The following ADAM2 variants were observed in gnomAD, a reference collection of about 807,000 sequenced individuals.
ADAM2 encodes the protein disintegrin and metalloproteinase domain-containing protein 2.
A neutral mutation model predicts 99.3 loss-of-function variants in ADAM2; 101 were observed. That is an observed-to-expected ratio of 1.02 (90% CI 0.87 to 1.20). The LOEUF (loss-of-function observed/expected upper bound fraction) is 1.20, where lower values mean the gene tolerates loss of function less well. Among genes scored for constraint, ADAM2 ranks in the 50% most tolerant of loss-of-function variants. ADAM2 has a pLI of 0.00. For missense variants in ADAM2, 948 were observed against 878.7 expected, an observed-to-expected ratio of 1.08 and a Z score of -1.00; for synonymous variants, 323 against 287.6, an observed-to-expected ratio of 1.12 and a Z score of -1.25.
intron 3 of ADAM2, among the ~76,000 whole-genome samples, chr8:39,828,803 A>G (rs1805511861): frequency 6.6e-6 from 1 of 151,918 alleles, no homozygotes; most frequent in Admixed American, 6.6e-5. Flanking sequence ...GTGAAGAAAT[A>G]TCATTTTTAA....
intron 6 of ADAM2, among the ~76,000 whole-genome samples, chr8:39,816,898 A>T (rs1804965318): frequency 6.6e-6 from 1 of 152,216 alleles, no homozygotes; most frequent in Non-Finnish European, 1.5e-5. Context: ...GCAGTAATAG[A>T]TGTTATTTAT....
At chr8:39,787,749 GA>G (rs1454683353) in intron 9 of ADAM2, among the ~76,000 whole-genome samples, 1 of 151,518 alleles carries the variant, frequency 6.6e-6, no homozygotes, top group African/African-American at 2.4e-5. Context: ...ATCATAACAA[GA>G]AGGCTGAATT....
intron 4 of ADAM2, among the ~76,000 whole-genome samples, chr8:39,821,878 T>G (rs1805203304): frequency 6.6e-6 from 1 of 152,128 alleles, no homozygotes; most frequent in Admixed American, 6.5e-5. Flanking sequence ...TTTCTATAGG[T>G]TTTAAATTAA....
chr8:39,764,677 G>A (rs1042805122), intron 14 of ADAM2, among the ~76,000 whole-genome samples: 2 of 152,062 alleles, frequency 1.3e-5, no homozygotes, highest in Non-Finnish European at 2.9e-5. Context: ...ATGCACATCC[G>A]GAAGTGAACT....
rs1184827342 is a variant in ADAM2 at position 39,820,995 on chromosome 8, C to T, written c.513+7G>A. The stretch of plus-strand genomic sequence containing the variant: ...TAACCATAGAGTTTGTTCAATTAAT[C>T]ACCTACCTCTACGCTTTGTAATTTA... On this transcript the variant is annotated splice_region_variant and intron_variant, in intron 6 of 20. Coordinates refer to ENST00000265708, the MANE Select transcript of ADAM2 (RefSeq NM_001464.5). 6.4e-7 allele frequency: 1 copy of T among 1,550,530 alleles called. No individual in the cohort carries two copies. Among genetic ancestry groups the T allele is most frequent in the Admixed American group, 1.9e-5 (1 of 52,528 alleles).
At chr8:39,760,882 C>CAAAAAAAAA (rs58386097) in intron 15 of ADAM2, among the ~76,000 whole-genome samples, 18 of 60,180 alleles carry the variant, frequency 3.0e-4, no homozygotes, top group African/African-American at 7.4e-4. Context: ...GACTCCATCT[C>CAAAAAAAAA]AAAAAAAAAA....
chr8:39,762,109 A>G (rs1802394561), intron 14 of ADAM2, among the ~76,000 whole-genome samples: 1 of 152,148 alleles, frequency 6.6e-6, no homozygotes, highest in African/African-American at 2.4e-5. Context: ...AAAAGCTTCA[A>G]CCTACTTAAA....
chr8:39,788,073 A>G lies in ADAM2; in HGVS notation c.809+12T>C, dbSNP rs1287500114. ...TTCAGATAAACTTTATATAATGTCAAGATATCCTTACACAAGTAAAAATGC... is the reference window on the plus strand; with the variant it reads ...TTCAGATAAACTTTATATAATGTCAGGATATCCTTACACAAGTAAAAATGC... On this transcript the variant is annotated intron_variant, in intron 9 of 20. Transcript: ENST00000265708. The G allele has an allele frequency of 2.1e-6, 3 of 1,463,096 alleles. No homozygotes were observed. Among genetic ancestry groups the G allele is most frequent in the Non-Finnish European group, 2.7e-6 (3 of 1,103,956 alleles). 90.6% of individuals were successfully genotyped at this position (1,463,096 alleles called of 1,614,324 possible).
In ADAM2 at chr8:39,821,648, G is replaced by T; in HGVS notation, c.282C>A (p.Tyr94Ter). The change falls in exon 5 of 21, where the codon TAC (tyrosine) becomes TAA (stop). Residue 94 changes from tyrosine to a stop codon, truncating the protein, a stop_gained. Transcript: ENST00000265708. LOFTEE classifies it high-confidence loss of function. ...TTGGATAACCTTCAATATACCCTTG[G>T]TAGTGGCAGAAATTCTGAAAGATAA... ...LDQDFQNFCH[Y>*]QGYIEGYPKS... 6.2e-7 allele frequency: 1 copy of T among 1,603,762 alleles called. No homozygotes were observed. The highest frequency in any genetic ancestry group is 8.5e-7 in the Non-Finnish European group (1 of 1,171,464).
chr8:39,799,512 T>C (rs1396142659), intron 7 of ADAM2, among the ~76,000 whole-genome samples: 3 of 152,182 alleles, frequency 2.0e-5, no homozygotes, highest in African/African-American at 7.2e-5. Context: ...TATATTGTGT[T>C]GATTTAGGGT....
chr8:39,744,211 A>G (rs1282769926), intron 20 of ADAM2, 147 bp from the exon 21 acceptor site: 1 of 152,192 alleles, frequency 6.6e-6, no homozygotes, highest in Non-Finnish European at 1.5e-5. Context: ...CAAATGCTAA[A>G]GAAGTAAAAT....
intron 10 of ADAM2, among the ~76,000 whole-genome samples, chr8:39,778,771 A>G (rs935792300): frequency 1.3e-5 from 2 of 152,100 alleles, no homozygotes; most frequent in Non-Finnish European, 2.9e-5. Flanking sequence ...TCTACAGGGA[A>G]TAAATTGAAG....
At chr8:39,759,660 GAA>G (rs1329750357) in intron 15 of ADAM2, among the ~76,000 whole-genome samples, 2 of 152,110 alleles carry the variant, frequency 1.3e-5, no homozygotes. Flanking sequence ...GGAGAGGAGA[GAA>G]GAGTTGGAAC....
intron 7 of ADAM2, among the ~76,000 whole-genome samples, chr8:39,791,506 TC>T (rs1233491765): frequency 1.3e-5 from 2 of 152,070 alleles, no homozygotes; most frequent in Non-Finnish European, 2.9e-5. Flanking sequence ...GTTGTGGCTA[TC>T]CCTGTAACCC....
chr8:39,801,849 C>T (rs1375698867), intron 7 of ADAM2, among the ~76,000 whole-genome samples: 6 of 152,188 alleles, frequency 3.9e-5, no homozygotes, highest in Admixed American at 3.9e-4. Context: ...GGGAACAAGC[C>T]ATCCAGCCTT....
intron 7 of ADAM2, among the ~76,000 whole-genome samples, chr8:39,801,567 G>C (rs893672574): frequency 6.6e-6 from 1 of 152,142 alleles, no homozygotes; most frequent in Non-Finnish European, 1.5e-5. Context: ...TTTTACTAGG[G>C]GGAAACCCAT....
rs1467372810 is a variant in ADAM2 at position 39,755,883 on chromosome 8, T to G, written c.1642A>C (p.Lys548Gln). The change falls in exon 16 of 21, where the codon AAA becomes CAA. Residue 548 changes from lysine (K) to glutamine (Q), a missense_variant. By Grantham distance (53) the Lys-to-Gln change is moderately conservative. Transcript: ENST00000265708. ...TGTAATAAAAATTTACCTACATATT[T>G]ACATATTAATTTTCCGCACTGCAGA... The part of the protein sequence containing the change: ...DNLQCGKLIC[K>Q]YVGKFLLQIP... 1.9e-6 allele frequency: 3 copies of G among 1,568,074 alleles called. No homozygotes were observed. The highest frequency in any genetic ancestry group is 2.6e-6 in the Non-Finnish European group (3 of 1,142,800).
At chr8:39,752,408 G>A (rs372909) in intron 16 of ADAM2, among the ~76,000 whole-genome samples, 5,277 of 152,192 alleles carry the variant, frequency 0.035, 318 homozygotes, top group African/African-American at 0.12. Flanking sequence ...AGTCAAAATG[G>A]TAGAAAATTT....
chr8:39,772,842 T>C (rs1440873390), intron 11 of ADAM2, among the ~76,000 whole-genome samples: 1 of 151,944 alleles, frequency 6.6e-6, no homozygotes, highest in African/African-American at 2.4e-5. Flanking sequence ...TATTTTGTAT[T>C]TTAAAAAAAG....
Sources: allele counts gnomAD v4.1 joint callset (sites outside exome capture counted in the v4.1 genomes callset), GRCh38; gene constraint gnomAD v4.1.1; transcripts MANE v1.5; gene names NCBI Gene and HGNC (gene_info 2026-07-23, HGNC 2026-07-21).